MCU: variants seen among roughly 807,000 people sequenced by gnomAD.
MCU encodes the protein mitochondrial calcium uniporter, also known as calcium uniporter protein, mitochondrial.
MCU carries 12 observed loss-of-function variants against 45.2 expected under a neutral mutation model. That is an observed-to-expected ratio of 0.27 (90% CI 0.17 to 0.43). The LOEUF (loss-of-function observed/expected upper bound fraction) is 0.43, where lower values mean the gene tolerates loss of function less well. Ranked by LOEUF, MCU falls within the 20% of genes least tolerant of loss-of-function variation. The pLI, the probability that MCU is intolerant of heterozygous loss-of-function variation, is 1.00. For missense variants in MCU, 324 were observed against 436.7 expected (o/e 0.74, Z 2.30); for synonymous variants, 160 against 165.1 (o/e 0.97, Z 0.24).
intron 1 of MCU, among the ~76,000 whole-genome samples, chr10:72,828,972 G>C (rs1811249905): frequency 6.6e-6 from 1 of 152,096 alleles, no homozygotes; most frequent in East Asian, 1.9e-4. Context: ...TAAACTTGCT[G>C]TTTCTTTTCA....
intron 1 of MCU, among the ~76,000 whole-genome samples, chr10:72,713,743 AT>A (rs886284840): frequency 6.6e-6 from 1 of 151,948 alleles, no homozygotes; most frequent in Admixed American, 6.6e-5. Flanking sequence ...ATGAACCAGA[AT>A]TTTTTTTAAT....
chr10:72,839,843 A>G (rs1164631049), intron 2 of MCU, among the ~76,000 whole-genome samples: 6 of 151,316 alleles, frequency 4.0e-5, no homozygotes, highest in African/African-American at 1.5e-4. Flanking sequence ...AGGAGCCTGT[A>G]GTCCCAACTA....
chr10:72,706,236 A>G (rs1367867431), intron 1 of MCU, among the ~76,000 whole-genome samples: 1 of 141,982 alleles, frequency 7.0e-6, no homozygotes, highest in Non-Finnish European at 1.5e-5. Flanking sequence ...TTTTTTTTTT[A>G]AGTAGCCATT....
intron 6 of MCU, among the ~76,000 whole-genome samples, chr10:72,883,786 C>A (rs903457546): frequency 3.3e-5 from 5 of 152,010 alleles, no homozygotes; most frequent in African/African-American, 1.2e-4. Context: ...ATTTCACAAA[C>A]CTAATACTGA....
At chr10:72,729,690 T>C (rs1477583385) in intron 1 of MCU, among the ~76,000 whole-genome samples, 4 of 152,172 alleles carry the variant, frequency 2.6e-5, no homozygotes, top group Admixed American at 6.5e-5. Context: ...ATTTGGACTT[T>C]AGATGCACTA....
At chr10:72,702,671 G>T (rs1053437539) in intron 1 of MCU, among the ~76,000 whole-genome samples, 1 of 152,158 alleles carries the variant, frequency 6.6e-6, no homozygotes, top group African/African-American at 2.4e-5. Flanking sequence ...CACAGAAGAG[G>T]TCTTGCTTAA....
rs557207848 is a variant in MCU, at chr10:72,829,929, A to C, written c.151-4430A>C. ...AAAAGGACTTACATGTGTGTTTGTA[A>C]ATACTTAATATGTAGTATTTTATAA... On this transcript the variant is annotated intron_variant, in intron 1 of 7. Coordinates refer to ENST00000373053, the MANE Select transcript of MCU (RefSeq NM_138357.3). 2.0e-5 allele frequency among the ~76,000 whole-genome samples: 3 copies of C among 152,348 alleles called. No individual in the cohort carries two copies. The South Asian group carries it at 6.2e-4, about 32-fold the overall frequency.
intron 1 of MCU, among the ~76,000 whole-genome samples, chr10:72,785,651 T>G (rs1399758776): frequency 6.6e-6 from 1 of 152,218 alleles, no homozygotes; most frequent in Admixed American, 6.5e-5. Context: ...TCCTGCTGGC[T>G]CATTTCATGG....
chr10:72,759,792 G>A (rs1284408515), intron 1 of MCU, among the ~76,000 whole-genome samples: 3 of 152,056 alleles, frequency 2.0e-5, no homozygotes, highest in Admixed American at 6.6e-5. Flanking sequence ...CTATAGGGCT[G>A]GTGCCTGTTT....
chr10:72,788,292 G>A (rs1844106247), intron 1 of MCU, among the ~76,000 whole-genome samples: 1 of 152,146 alleles, frequency 6.6e-6, no homozygotes, highest in African/African-American at 2.4e-5. Flanking sequence ...GGATTGTAGT[G>A]AAAACACAAA....
intron 1 of MCU, among the ~76,000 whole-genome samples, chr10:72,737,574 A>T (rs1843268550): frequency 6.8e-6 from 1 of 148,078 alleles, no homozygotes; most frequent in Non-Finnish European, 1.5e-5. Flanking sequence ...GGTTGGATTG[A>T]CATGGTGCGA....
chr10:72,842,105 C>T (rs370911817), intron 2 of MCU, among the ~76,000 whole-genome samples: 3 of 152,090 alleles, frequency 2.0e-5, no homozygotes, highest in Non-Finnish European at 2.9e-5. Context: ...ATGGTGAAAC[C>T]GTCTCTACTA....
At chr10:72,717,263 C>CTT (rs747541997) in intron 1 of MCU, among the ~76,000 whole-genome samples, 1 of 142,038 alleles carries the variant, frequency 7.0e-6, no homozygotes, top group African/African-American at 2.6e-5. Flanking sequence ...GGGATTGCTT[C>CTT]TTTTTTTTTT....
intron 1 of MCU, among the ~76,000 whole-genome samples, chr10:72,833,279 C>T (rs1207554148): frequency 6.6e-6 from 1 of 152,174 alleles, no homozygotes; most frequent in Non-Finnish European, 1.5e-5. Context: ...GTAACTTTGA[C>T]TAGAAGTAAT....
At chr10:72,693,058 G>A (rs1448565730) in intron 1 of MCU, 4 of 1,536,054 alleles carry the variant, frequency 2.6e-6, no homozygotes, top group Admixed American at 3.9e-5. Flanking sequence ...CACAGGAGAA[G>A]CGAATATGGT....
intron 4 of MCU, among the ~76,000 whole-genome samples, chr10:72,865,403 G>T (rs1030897249): frequency 6.6e-6 from 1 of 152,132 alleles, no homozygotes; most frequent in Admixed American, 6.5e-5. Flanking sequence ...AATTTCAAAA[G>T]ACCTTTTTAA....
intron 1 of MCU, among the ~76,000 whole-genome samples, chr10:72,702,145 G>A (rs1258533813): frequency 1.3e-5 from 2 of 151,764 alleles, no homozygotes; most frequent in Non-Finnish European, 2.9e-5. Flanking sequence ...CAGCCACTTG[G>A]GAGGCCGAGG....
At chr10:72,859,788 A>G (rs1470456827) in intron 3 of MCU, among the ~76,000 whole-genome samples, 1 of 152,180 alleles carries the variant, frequency 6.6e-6, no homozygotes, top group Non-Finnish European at 1.5e-5. Flanking sequence ...CATTTTATGT[A>G]TTTAATTTAT....
At chr10:72,707,628 T>C (rs1205054000) in intron 1 of MCU, among the ~76,000 whole-genome samples, 1 of 147,850 alleles carries the variant, frequency 6.8e-6, no homozygotes, top group Non-Finnish European at 1.5e-5. Flanking sequence ...TGTGTGTGTG[T>C]GTGTGTGTGT....
Sources: allele counts gnomAD v4.1 joint callset (sites outside exome capture counted in the v4.1 genomes callset), GRCh38; gene constraint gnomAD v4.1.1; transcripts MANE v1.5; gene names NCBI Gene and HGNC (gene_info 2026-07-23, HGNC 2026-07-21).